Variants in MIAT observed in about 807,000 individuals in gnomAD.
The protein encoded by MIAT is myocardial infarction associated transcript, also known as MI related novel mRNA.
intron 2 of MIAT, among the ~76,000 whole-genome samples, chr22:26,655,833 C>T (rs550659689): frequency 6.8e-4 from 104 of 152,194 alleles, no homozygotes; most frequent in African/African-American, 2.2e-3. Context: ...AGGCACACAC[C>T]GCCAGGCCTG....
chr22:26,650,132 A>G (rs2145997173), intron 2 of MIAT: 1 of 152,380 alleles, frequency 6.6e-6, no homozygotes, highest in African/African-American at 2.4e-5. Context: ...CCTCTAAAGA[A>G]GTAATTAAGG....
At chr22:26,647,400 AG>A in intron 2 of MIAT, 1 of 362,754 alleles carries the variant, frequency 2.8e-6, no homozygotes, top group Non-Finnish European at 4.9e-6. Flanking sequence ...AGAGAGAGAG[AG>A]AGAGAGAGAG....
chr22:26,664,706 T>G (rs1220139989), intron 3 of MIAT, among the ~76,000 whole-genome samples: 2 of 152,226 alleles, frequency 1.3e-5, no homozygotes, highest in Non-Finnish European at 2.9e-5. Flanking sequence ...TATTGATGAG[T>G]AGATTCCCTT....
At chr22:26,663,082 C>A (rs921314266) in intron 2 of MIAT, among the ~76,000 whole-genome samples, 2 of 152,138 alleles carry the variant, frequency 1.3e-5, no homozygotes, top group African/African-American at 4.8e-5. Flanking sequence ...CACAGTTTGC[C>A]GGTGGCAGAG....
At chr22:26,656,094 C>G (rs898723101) in intron 2 of MIAT, 1 of 152,282 alleles carries the variant, frequency 6.6e-6, no homozygotes, top group African/African-American at 2.4e-5. Flanking sequence ...TCACCGCAAC[C>G]TCTGCCTACC....
At chr22:26,654,570 A>G (rs925860099) in intron 2 of MIAT, among the ~76,000 whole-genome samples, 4 of 152,212 alleles carry the variant, frequency 2.6e-5, no homozygotes, top group African/African-American at 9.7e-5. Context: ...GGGAAGTCGT[A>G]GACCTGTGTG....
chr22:26,671,266 G>T (rs1226963588), downstream of MIAT: 4 of 398,532 alleles, frequency 1.0e-5, no homozygotes, highest in African/African-American at 6.2e-5. Flanking sequence ...TTTGGGCAGG[G>T]TCCATGTGGT....
chr22:26,674,262 C>T (rs983359213), downstream of MIAT: 6 of 398,496 alleles, frequency 1.5e-5, no homozygotes, highest in East Asian at 3.6e-5. Flanking sequence ...ACCGAGGAAA[C>T]GGGAGTTTTT....
exon 6 of MIAT, chr22:26,668,590 G>C (rs898457241): frequency 5.0e-6 from 2 of 398,952 alleles, no homozygotes; most frequent in Admixed American, 4.4e-5. Context: ...TTTCCCCAAG[G>C]CTGGGTCTCA....
chr22:26,672,702 C>A (rs1305587541), downstream of MIAT: 1 of 398,942 alleles, frequency 2.5e-6, no homozygotes, highest in Non-Finnish European at 4.4e-6. Flanking sequence ...GGGGGCGTGC[C>A]CCTCACCGGA....
At chr22:26,661,943 TATATATATATATATATATAC>T (rs751540672) in intron 2 of MIAT, among the ~76,000 whole-genome samples, 7,827 of 39,014 alleles carry the variant, frequency 0.2, 440 homozygotes, top group Middle Eastern at 0.32. Context: ...TATATATATA[TATATATATATATATATATAC>T]ACACACACAC....
intron 2 of MIAT, among the ~76,000 whole-genome samples, chr22:26,653,350 TAC>T (rs1371652568): frequency 6.6e-6 from 1 of 152,208 alleles, no homozygotes; most frequent in Non-Finnish European, 1.5e-5. Flanking sequence ...CCATCTGAGT[TAC>T]AGTCTATTTG....
At chr22:26,649,547 G>C (rs1018510800) in intron 2 of MIAT, among the ~76,000 whole-genome samples, 1 of 152,210 alleles carries the variant, frequency 6.6e-6, no homozygotes, top group African/African-American at 2.4e-5. Context: ...GCACATGCTT[G>C]GTCTGTGCAA....
At chr22:26,669,462 G>T in exon 6 of MIAT, 2 of 397,950 alleles carry the variant, frequency 5.0e-6, no homozygotes, top group South Asian at 2.6e-4. Flanking sequence ...CAGAGAGCAT[G>T]AGCAGGCTCT....
chr22:26,662,621 CCTG>C (rs1930713926), intron 2 of MIAT, among the ~76,000 whole-genome samples: 1 of 152,202 alleles, frequency 6.6e-6, no homozygotes, highest in South Asian at 2.1e-4. Context: ...CAGCATGTCT[CCTG>C]CGAGGCGCGT....
intron 3 of MIAT, among the ~76,000 whole-genome samples, chr22:26,663,958 C>CT (rs33976934): frequency 0.71 from 93,186 of 131,964 alleles, 32,821 homozygotes; most frequent in South Asian, 0.86. Flanking sequence ...AGATTGGATT[C>CT]TTTTTTTTTT....
chr22:26,647,857 G>C (rs1444677078), intron 2 of MIAT, among the ~76,000 whole-genome samples: 1 of 152,008 alleles, frequency 6.6e-6, no homozygotes. Context: ...GAATGTTCCA[G>C]AGCATCGATG....
chr22:26,675,342 G>T (rs1036776016), exon 5 of MIAT: 3 of 398,628 alleles, frequency 7.5e-6, no homozygotes, highest in African/African-American at 6.2e-5. Flanking sequence ...CATGGTGCCG[G>T]GTCTGGTTGC....
chr22:26,673,058 GT>G (rs1257052388), downstream of MIAT: 4 of 398,536 alleles, frequency 1.0e-5, no homozygotes, highest in African/African-American at 8.2e-5. Flanking sequence ...GCTAGAGGGC[GT>G]TAGTTGTCGG....
Sources: allele counts gnomAD v4.1 joint callset (sites outside exome capture counted in the v4.1 genomes callset), GRCh38; gene constraint gnomAD v4.1.1; transcripts MANE v1.5; gene names NCBI Gene and HGNC (gene_info 2026-07-23, HGNC 2026-07-21).